Variants in TTN observed in about 807,000 individuals in gnomAD.
The protein encoded by TTN is connectin.
A neutral mutation model predicts 3,223.0 loss-of-function variants in TTN; 1,525 were observed. That is an observed-to-expected ratio of 0.47 (90% CI 0.45 to 0.49). The LOEUF is 0.49. TTN is among the 20% of genes least tolerant of loss of function. The pLI, the probability that TTN is intolerant of heterozygous loss-of-function variation, is 0.00. For missense variants in TTN, 40,786 were observed against 43,424.0 expected, an observed-to-expected ratio of 0.94 and a Z score of 5.40; for synonymous variants, 14,094 against 15,161.0, an observed-to-expected ratio of 0.93 and a Z score of 5.17.
Position 178,634,081 on chromosome 2 carries a change from T to C in TTN, c.42418A>G (p.Ile14140Val). 2.5e-6 allele frequency: 4 copies of C among 1,612,524 alleles called. No individual in the cohort carries two copies. Among genetic ancestry groups the C allele is most frequent in the South Asian group, 1.1e-5 (1 of 90,966 alleles). Residue 14140 changes from isoleucine (I) to valine (V), a missense_variant and splice_region_variant, in exon 231 of 363, where the codon ATA (isoleucine) becomes GTA (valine). Ile to Val is a conservative substitution (Grantham distance 29). Coordinates refer to ENST00000589042, the MANE Select transcript of TTN (RefSeq NM_001267550.2). This position sits in a 1 kb window ranked among gnomAD's most constrained non-coding sequence, Gnocchi z 4.6. ...KTSARLFVTG[I>V]RLKFMSPLED... ...AGAGGTGACATGAATTTCAGTCTTA[T>C]ACCTGAAATGCAAGCATAGATAATG...
At position 178,719,151 on chromosome 2, in the gene TTN, C is replaced by T. The variant is rs1012740571; in HGVS notation, c.24226+13G>A. 2 of 1,605,242 alleles carry T rather than the reference C, an allele frequency of 1.2e-6. No individual in the cohort carries two copies. Among genetic ancestry groups the T allele is most frequent in the African/African-American group, 1.3e-5 (1 of 74,852 alleles). ...GTGTTAGAGAAGCAGCAGCTTTATC[C>T]TTGCACACTGACCTTGCACAGTCAG... On this transcript the variant is annotated intron_variant, in intron 83 of 362. Coordinates refer to ENST00000589042, the MANE Select transcript of TTN (RefSeq NM_001267550.2).
rs562016842 is a variant in TTN, at chr2:178,554,357, G to A, written c.88894+96C>T. ...TGTGAAAAGGATGGTAATGAGACAG[G>A]TGTTATATAAAAGAAAATTAAAGCA... is the stretch of plus-strand genomic sequence containing the variant. On this transcript the variant is annotated intron_variant, in intron 332 of 362. Transcript: ENST00000589042. The A allele has an allele frequency of 7.0e-6, 10 of 1,437,798 alleles. No homozygotes were observed. The African/African-American group carries it at 1.0e-4, about 14-fold the overall frequency. The allele number at this position is 1,437,798 out of a possible 1,614,324, so 89.1% of individuals were successfully genotyped here.
intron 240 of TTN, among the ~76,000 whole-genome samples, chr2:178,625,995 A>C (rs2058981862): frequency 6.6e-6 from 1 of 152,108 alleles, no homozygotes; most frequent in South Asian, 2.1e-4. Context: ...TATACAGCAC[A>C]TATAGTATAT....
In TTN at chr2:178,719,157, C is replaced by T; in HGVS notation, c.24226+7G>A. On this transcript the variant is annotated splice_region_variant and intron_variant, in intron 83 of 362. Transcript: ENST00000589042. ...GAGAAGCAGCAGCTTTATCCTTGCA[C>T]ACTGACCTTGCACAGTCAGGACTGC... 6.2e-7 allele frequency: 1 copy of T among 1,606,792 alleles called. No homozygotes were observed. Among genetic ancestry groups the T allele is most frequent in the Non-Finnish European group, 8.5e-7 (1 of 1,174,852 alleles).
chr2:178,594,733 A>G, intron 295 of TTN, 87 bp from the exon 296 acceptor site: 1 of 1,123,460 alleles, frequency 8.9e-7, no homozygotes. Context: ...TTTTCTGAAG[A>G]TTGCATTTAA....
chr2:178,645,500 A>G (rs2061798185), intron 217 of TTN, among the ~76,000 whole-genome samples: 1 of 152,150 alleles, frequency 6.6e-6, no homozygotes, highest in African/African-American at 2.4e-5. Context: ...CAATTCTTTA[A>G]GAACAAAGTT....
Position 178,584,653 on chromosome 2 carries a change from CT to C in TTN, c.64972+15del, listed in dbSNP as rs878936145. ...TAGAAAGAAAACAACTTTTTTTCTC[CT>C]TCACAAAAACATACCAAATGGGAAC... On this transcript the variant is annotated intron_variant, in intron 310 of 362. Coordinates refer to ENST00000589042, the MANE Select transcript of TTN (RefSeq NM_001267550.2). 1.2e-6 allele frequency: 2 copies of C among 1,606,936 alleles called. No homozygotes were observed. The highest frequency in any genetic ancestry group is 2.2e-5 in the South Asian group (2 of 89,400).
chr2:178,562,862 G>A lies in TTN; in HGVS notation c.83270C>T (p.Ala27757Val). The A allele has an allele frequency of 6.2e-7, 1 of 1,613,012 alleles. No homozygotes were observed. The highest frequency in any genetic ancestry group is 8.5e-7 in the Non-Finnish European group (1 of 1,179,478). The change falls in exon 326 of 363, where the codon GCT (alanine) becomes GTT (valine). Residue 27757 changes from alanine to valine, a missense_variant. Transcript: ENST00000589042. ...GTCAAGAACTCTGACGTTAACAAAA[G>A]CTGTTTTGGAGCCACTATTATTTTC... is the stretch of plus-strand genomic sequence containing the variant. ...TLENNSGSKT[A>V]FVNVRVLDSP...
rs1405604298 is a variant in TTN, at chr2:178,694,689, G to T, written c.31349-13C>A. ...GAAACTTCAGGTACTTTAAAAATATGTACAAATATATTTGTATTTTGAAGA... is the reference window on the plus strand; with the variant it reads ...GAAACTTCAGGTACTTTAAAAATATTTACAAATATATTTGTATTTTGAAGA... On this transcript the variant is annotated splice_polypyrimidine_tract_variant and intron_variant, in intron 116 of 362. Transcript: ENST00000589042. 6.5e-7 allele frequency: 1 copy of T among 1,534,044 alleles called. No individual in the cohort carries two copies. Among genetic ancestry groups the T allele is most frequent in the Non-Finnish European group, 8.8e-7 (1 of 1,137,730 alleles).
chr2:178,785,895 T>A lies in TTN; in HGVS notation c.2323A>T (p.Thr775Ser), dbSNP rs1331603278. 1 of 1,614,032 alleles carries A rather than the reference T, an allele frequency of 6.2e-7. No homozygotes were observed. The highest frequency in any genetic ancestry group is 1.7e-5 in the Admixed American group (1 of 59,994). Reference protein sequence around the residue: ...KPRVIQAPSETHIKTTDQKGM... With the variant: ...KPRVIQAPSESHIKTTDQKGM... Reference sequence around the variant, plus strand: ...TTTTGATCAGTAGTTTTGATATGAGTCTCAGAAGGAGCCTGGATTACTCTA... The same window carrying A: ...TTTTGATCAGTAGTTTTGATATGAGACTCAGAAGGAGCCTGGATTACTCTA... Residue 775 changes from threonine to serine, a missense_variant, in exon 14 of 363, where the codon ACT becomes TCT. Thr to Ser is a moderately conservative substitution (Grantham distance 58, BLOSUM62 1). Transcript: ENST00000589042.
rs374085402 is a variant in TTN, at chr2:178,632,329, T to C, written c.43565A>G (p.His14522Arg). ...GAACCATTTAACTCGGATGTTATCA[T>C]GAGATAACTCCACAGTAAATACAGC... is the stretch of plus-strand genomic sequence containing the variant. ...ESAVFTVELS[H>R]DNIRVKWFKN... The change falls in exon 236 of 363, where the codon CAT becomes CGT. Residue 14522 changes from histidine (H) to arginine (R), a missense_variant. Coordinates refer to ENST00000589042, the MANE Select transcript of TTN (RefSeq NM_001267550.2). The C allele has an allele frequency of 2.0e-5, 32 of 1,605,766 alleles. No homozygotes were observed. In the East Asian group the frequency reaches 2.7e-4, roughly 14 times the overall value.
Position 178,768,759 on chromosome 2 carries a change from T to A in TTN, c.9077A>T (p.Asn3026Ile), listed in dbSNP as rs11900987. 727 of 1,614,134 alleles carry A rather than the reference T, an allele frequency of 4.5e-4. 8 individuals carry two copies. In the African/African-American group the frequency reaches 8.0e-3, roughly 18 times the overall value. The stretch of plus-strand genomic sequence containing the variant: ...ATCCCCAAAGTGAACATTCCTGATG[T>A]TCAGTGAGTGTGTGAGCTTTTTGGT... Reference protein sequence around the residue: ...MRTKKLTHSLNIRNVHFGDAA... With the variant: ...MRTKKLTHSLIIRNVHFGDAA... The change falls in exon 38 of 363, where the codon AAC (asparagine) becomes ATC (isoleucine). Residue 3026 changes from asparagine (N) to isoleucine (I), a missense_variant. Asn to Ile is a moderately radical substitution (Grantham distance 149). Transcript: ENST00000589042.
Position 178,569,268 on chromosome 2 carries a change from A to T in TTN, c.76864T>A (p.Trp25622Arg). 6.2e-7 allele frequency: 1 copy of T among 1,606,730 alleles called. No homozygotes were observed. Among genetic ancestry groups the T allele is most frequent in the Non-Finnish European group, 8.5e-7 (1 of 1,175,836 alleles). The part of the protein sequence containing the change: ...EITKDSVSIT[W>R]EPPLLDGGSK... ...CCCCCATCCAACAAAGGAGGTTCCCATGTAATTGATACTGAGTCTTTGGTG... is the reference window on the plus strand; with the variant it reads ...CCCCCATCCAACAAAGGAGGTTCCCTTGTAATTGATACTGAGTCTTTGGTG... Residue 25622 changes from tryptophan to arginine, a missense_variant, in exon 326 of 363, where the codon TGG (tryptophan) becomes AGG (arginine). Coordinates refer to ENST00000589042, the MANE Select transcript of TTN (RefSeq NM_001267550.2).
chr2:178,575,968 T>G lies in TTN; in HGVS notation c.70164A>C (p.Arg23388=), dbSNP rs1307034601. The change falls in exon 326 of 363, where the codon CGA becomes CGC. Residue 23388 remains arginine (R), a synonymous_variant. Coordinates refer to ENST00000589042, the MANE Select transcript of TTN (RefSeq NM_001267550.2). This position sits in a 1 kb window ranked among gnomAD's most constrained non-coding sequence, Gnocchi z 4.0. Reference sequence around the variant, plus strand: ...ATGATTCCGTATTTTCAATGTTGGCTCGGTTTTTCAGGTTGATGTTATCTT... The same window carrying G: ...ATGATTCCGTATTTTCAATGTTGGCGCGGTTTTTCAGGTTGATGTTATCTT... The part of the protein sequence containing the change: ...WTKDNINLKN[R]ANIENTESFT... 1.2e-6 allele frequency: 2 copies of G among 1,611,458 alleles called. No homozygotes were observed. Among genetic ancestry groups the G allele is most frequent in the Non-Finnish European group, 8.5e-7 (1 of 1,177,972 alleles).
In TTN at chr2:178,550,067, G is replaced by A. The variant is rs760668673; in HGVS notation, c.91771C>T (p.Arg30591Trp). 18 of 1,613,752 alleles carry A rather than the reference G, an allele frequency of 1.1e-5. No individual in the cohort carries two copies. Among genetic ancestry groups the A allele is most frequent in the South Asian group, 3.3e-5 (3 of 91,064 alleles). Reference protein sequence around the residue: ...STSLFVRDATRDHRGVYTVEA... With the variant: ...STSLFVRDATWDHRGVYTVEA... ...ACTGTGTATACACCACGATGGTCCC[G>A]AGTAGCATCTCTAACAAATAGGCTG... The change falls in exon 337 of 363, where the codon CGG becomes TGG. Residue 30591 changes from arginine to tryptophan, a missense_variant. Coordinates refer to ENST00000589042, the MANE Select transcript of TTN (RefSeq NM_001267550.2).
chr2:178,610,933 A>G, intron 270 of TTN, 60 bp downstream of exon 270: 1 of 1,593,596 alleles, frequency 6.3e-7, no homozygotes, highest in Admixed American at 1.8e-5. Flanking sequence ...TAGCACTGCA[A>G]AGTTAACTAA....
At position 178,574,744 on chromosome 2, in the gene TTN, C is replaced by A. The variant is rs878854330; in HGVS notation, c.71388G>T (p.Glu23796Asp). ...TCTGAGCTTTTACACGGAACTGATACTCTAATCCAGTAGTAAGGCGGGTGG... is the reference window on the plus strand; with the variant it reads ...TCTGAGCTTTTACACGGAACTGATAATCTAATCCAGTAGTAAGGCGGGTGG... ...YKATRLTTGL[E>D]YQFRVKAQNR... The change falls in exon 326 of 363, where the codon GAG (glutamate) becomes GAT (aspartate). Residue 23796 changes from glutamate (E) to aspartate (D), a missense_variant. By Grantham distance (45) the Glu-to-Asp change is conservative. Transcript: ENST00000589042. 1 of 1,612,914 alleles carries A rather than the reference C, an allele frequency of 6.2e-7. No individual in the cohort carries two copies. Among genetic ancestry groups the A allele is most frequent in the African/African-American group, 1.3e-5 (1 of 75,012 alleles).
In TTN at chr2:178,575,380, G is replaced by A. The variant is rs761787250; in HGVS notation, c.70752C>T (p.Thr23584=). 13 of 1,613,558 alleles carry A rather than the reference G, an allele frequency of 8.1e-6. No homozygotes were observed. In the Admixed American group the frequency reaches 1.0e-4, roughly 12 times the overall value. ...TCACAACACATTCTAACCCTTTCAC[G>A]GTTGTGATGTGGGTCCACTGGTCAG... ...KGSDQWTHIT[T]VKGLECVVRN... Residue 23584 remains threonine (T), a synonymous_variant, in exon 326 of 363, where the codon ACC becomes ACT. Coordinates refer to ENST00000589042, the MANE Select transcript of TTN (RefSeq NM_001267550.2). This position sits in a 1 kb window ranked among gnomAD's most constrained non-coding sequence, Gnocchi z 4.0.
rs1012805351 is a variant in TTN, at chr2:178,705,250, C to T, written c.29528G>A (p.Gly9843Glu). ...AAGAAGACCTCGGAAGTCAGTGATT[C>T]CATACATGCGGGCATATTTTTCATA... is the stretch of plus-strand genomic sequence containing the variant. The part of the protein sequence containing the change: ...KEYEKYARMY[G>E]ITDFRGLLQA... The change falls in exon 103 of 363, where the codon GGA becomes GAA. Residue 9843 changes from glycine to glutamate, a missense_variant. Coordinates refer to ENST00000589042, the MANE Select transcript of TTN (RefSeq NM_001267550.2). 6.2e-7 allele frequency: 1 copy of T among 1,613,570 alleles called. No individual in the cohort carries two copies. Among genetic ancestry groups the T allele is most frequent in the Admixed American group, 1.7e-5 (1 of 59,998 alleles).
Sources: gnomAD v4.1 joint callset for allele counts (sites outside exome capture counted in the v4.1 genomes callset) on GRCh38, gnomAD v4.1.1 for gene constraint, Gnocchi (gnomAD v3.1) non-coding constraint, MANE v1.5 for transcripts, NCBI Gene and HGNC (gene_info 2026-07-23, HGNC 2026-07-21) for gene names.